RMST: variants seen among roughly 807,000 people sequenced by gnomAD.
RMST encodes rhabdomyosarcoma 2 associated transcript.
chr12:97,488,138 CT>C (rs1333168651), intron 5 of RMST, among the ~76,000 whole-genome samples: 3 of 152,140 alleles, frequency 2.0e-5, no homozygotes, highest in Admixed American at 6.5e-5. Context: ...TAATCCAGCG[CT>C]TTGGGAGGCT....
chr12:97,487,790 G>C (rs1375287085), intron 5 of RMST, among the ~76,000 whole-genome samples: 1 of 152,218 alleles, frequency 6.6e-6, no homozygotes, highest in Non-Finnish European at 1.5e-5. Context: ...GCTCCTCGCA[G>C]TCTTTGTTCT....
intron 11 of RMST, among the ~76,000 whole-genome samples, chr12:97,551,355 T>C (rs1883298603): frequency 6.6e-6 from 1 of 152,100 alleles, no homozygotes; most frequent in Non-Finnish European, 1.5e-5. Context: ...TGGTAGTGGC[T>C]CATAGGAGAA....
chr12:97,544,647 C>T (rs1166222790), intron 11 of RMST, among the ~76,000 whole-genome samples: 1 of 152,018 alleles, frequency 6.6e-6, no homozygotes, highest in Non-Finnish European at 1.5e-5. Flanking sequence ...TTCCTTGAAA[C>T]CTTTCCTATT....
chr12:97,507,597 G>C (rs1024270028), intron 10 of RMST, among the ~76,000 whole-genome samples: 1 of 152,306 alleles, frequency 6.6e-6, no homozygotes, highest in East Asian at 1.9e-4. Flanking sequence ...ACTTATACCA[G>C]AAGTAGGCCA....
intron 13 of RMST, among the ~76,000 whole-genome samples, chr12:97,562,461 G>A (rs1185407151): frequency 6.6e-6 from 1 of 152,136 alleles, no homozygotes; most frequent in Non-Finnish European, 1.5e-5. Flanking sequence ...GAGCGGTGGG[G>A]GTTGGGAGGG....
chr12:97,518,987 A>G (rs1172782036), intron 10 of RMST, among the ~76,000 whole-genome samples: 1 of 152,100 alleles, frequency 6.6e-6, no homozygotes. Context: ...TATATTGCCC[A>G]GGCTGGTCTT....
At chr12:97,474,267 G>A (rs963586185) in intron 5 of RMST, among the ~76,000 whole-genome samples, 6 of 151,994 alleles carry the variant, frequency 3.9e-5, no homozygotes, top group Non-Finnish European at 7.4e-5. Flanking sequence ...AGTGTCTTTG[G>A]GAAGCAAGGT....
intron 10 of RMST, among the ~76,000 whole-genome samples, chr12:97,525,402 G>A (rs1435342257): frequency 1.3e-5 from 2 of 152,110 alleles, no homozygotes; most frequent in Non-Finnish European, 2.9e-5. Context: ...GCATGGGAAA[G>A]GGAAGAGTTT....
exon 14 of RMST, chr12:97,564,649 C>T (rs1393996049): frequency 6.6e-6 from 1 of 152,172 alleles, no homozygotes; most frequent in African/African-American, 2.4e-5. Context: ...TTTAAAAGCT[C>T]ATGAAATATT....
intron 11 of RMST, among the ~76,000 whole-genome samples, chr12:97,541,522 A>G (rs537596357): frequency 2.0e-4 from 30 of 151,722 alleles, no homozygotes; most frequent in African/African-American, 6.5e-4. Flanking sequence ...AGATACCCTG[A>G]CTCACTGCCT....
At chr12:97,534,821 A>G (rs910843363) in intron 11 of RMST, among the ~76,000 whole-genome samples, 1 of 151,724 alleles carries the variant, frequency 6.6e-6, no homozygotes, top group African/African-American at 2.4e-5. Flanking sequence ...TATAGACTGC[A>G]TATTTTAGCT....
At chr12:97,508,217 C>T (rs1878903827) in intron 10 of RMST, among the ~76,000 whole-genome samples, 1 of 151,912 alleles carries the variant, frequency 6.6e-6, no homozygotes, top group South Asian at 2.1e-4. Flanking sequence ...AGTAGTATGA[C>T]CAAAGTAAGG....
chr12:97,534,917 A>G (rs960712557), intron 11 of RMST, among the ~76,000 whole-genome samples: 7 of 151,712 alleles, frequency 4.6e-5, no homozygotes, highest in African/African-American at 1.7e-4. Context: ...ATGAGTCAGC[A>G]ATTTAATTTA....
intron 11 of RMST, among the ~76,000 whole-genome samples, chr12:97,558,979 G>GA (rs1883908176): frequency 1.3e-5 from 2 of 152,102 alleles, no homozygotes; most frequent in African/African-American, 4.8e-5. Context: ...GGAATGTTCT[G>GA]AAAATTTGGT....
chr12:97,543,352 A>C (rs779262784), intron 11 of RMST, among the ~76,000 whole-genome samples: 3 of 151,920 alleles, frequency 2.0e-5, no homozygotes, highest in Admixed American at 1.3e-4. Context: ...CACAGTTCTC[A>C]TCACTGCAAG....
intron 10 of RMST, among the ~76,000 whole-genome samples, chr12:97,518,347 A>T (rs1880148367): frequency 6.6e-6 from 1 of 152,188 alleles, no homozygotes; most frequent in South Asian, 2.1e-4. Flanking sequence ...GTTAAAATTT[A>T]AAAATTCTGA....
At chr12:97,487,184 T>A (rs1876205462) in intron 5 of RMST, among the ~76,000 whole-genome samples, 1 of 152,190 alleles carries the variant, frequency 6.6e-6, no homozygotes, top group Non-Finnish European at 1.5e-5. Flanking sequence ...AAATTTATGA[T>A]CATCAGAATT....
chr12:97,471,805 A>C (rs745737565), intron 5 of RMST, among the ~76,000 whole-genome samples: 1 of 152,114 alleles, frequency 6.6e-6, no homozygotes, highest in African/African-American at 2.4e-5. Context: ...GGAAATATTT[A>C]ATCAGCCACT....
At chr12:97,495,968 T>C (rs1877369696) in exon 10 of RMST, 1 of 152,194 alleles carries the variant, frequency 6.6e-6, no homozygotes, top group South Asian at 2.1e-4. Flanking sequence ...TAAGACTGCG[T>C]GGCTACATTT....
Sources: allele counts gnomAD v4.1 joint callset (sites outside exome capture counted in the v4.1 genomes callset), GRCh38; gene constraint gnomAD v4.1.1; transcripts MANE v1.5; gene names NCBI Gene and HGNC (gene_info 2026-07-23, HGNC 2026-07-21).